Variants in UST observed in about 807,000 individuals in gnomAD.
UST encodes the protein uronyl 2-sulfotransferase.
In UST, 21 loss-of-function variants were observed where a neutral mutation model predicts 45.6. The observed-to-expected ratio is 0.46, with a 90% CI of 0.33 to 0.66. The LOEUF (loss-of-function observed/expected upper bound fraction) is 0.66. UST is among the 30% of genes least tolerant of loss of function. The probability of loss-of-function intolerance (pLI) is 0.02; values close to 1 mark genes in which losing one functional copy is unlikely to be tolerated. For missense variants in UST, 463 were observed against 512.4 expected (o/e 0.90, Z 0.93); for synonymous variants, 215 against 200.6 (o/e 1.07, Z -0.61).
At chr6:148,959,117 G>T (rs1208967267) in intron 4 of UST, 4 of 152,164 alleles carry the variant, frequency 2.6e-5, no homozygotes, top group Non-Finnish European at 4.4e-5. Flanking sequence ...GCAAGGGGGT[G>T]CATTTTGGAC....
At chr6:148,989,607 A>G (rs1424821445) in intron 5 of UST, among the ~76,000 whole-genome samples, 2 of 152,228 alleles carry the variant, frequency 1.3e-5, no homozygotes, top group African/African-American at 2.4e-5. Context: ...AGGAGATCAT[A>G]TAGGTCCCCA....
At chr6:148,917,642 C>T (rs1001141490) in intron 2 of UST, among the ~76,000 whole-genome samples, 3 of 152,216 alleles carry the variant, frequency 2.0e-5, no homozygotes, top group Admixed American at 6.5e-5. Flanking sequence ...TACTCAAAAT[C>T]TGAGGCCTGC....
intron 5 of UST, among the ~76,000 whole-genome samples, chr6:148,981,088 G>A (rs1470493404): frequency 6.6e-6 from 1 of 152,118 alleles, no homozygotes; most frequent in African/African-American, 2.4e-5. Flanking sequence ...CTCATCTGCA[G>A]TCTCTCATGA....
chr6:148,780,542 G>C (rs1337260948), intron 1 of UST, among the ~76,000 whole-genome samples: 3 of 152,136 alleles, frequency 2.0e-5, no homozygotes, highest in Admixed American at 2.0e-4. Context: ...TGTGGTATTT[G>C]GTTTTCTGTT....
intron 2 of UST, among the ~76,000 whole-genome samples, chr6:148,933,896 A>C (rs1240738933): frequency 1.3e-5 from 2 of 152,200 alleles, no homozygotes; most frequent in East Asian, 3.8e-4. Context: ...GTCCAAAATA[A>C]AACTGGGAAC....
intron 1 of UST, among the ~76,000 whole-genome samples, chr6:148,774,765 T>C (rs1776498261): frequency 6.6e-6 from 1 of 152,218 alleles, no homozygotes; most frequent in Admixed American, 6.5e-5. Context: ...ACGCCTGTAA[T>C]CCTAGCACTT....
chr6:148,799,510 A>G lies in UST; in HGVS notation c.247+51833A>G, dbSNP rs945313194. Among the ~76,000 whole-genome samples the G allele has an allele frequency of 4.6e-5, 7 of 151,548 alleles. 1 individual carries two copies. On this transcript the variant is annotated intron_variant, in intron 1 of 7. Coordinates refer to ENST00000367463, the MANE Select transcript of UST (RefSeq NM_005715.3). ...CCCGGCAACTGAGTGGTAAAACTCT[A>G]CTCTCAGGGGTCCCTTCTTGTTCAG...
intron 1 of UST, among the ~76,000 whole-genome samples, chr6:148,824,507 A>T (rs1430643456): frequency 6.6e-6 from 1 of 152,058 alleles, no homozygotes; most frequent in African/African-American, 2.4e-5. Flanking sequence ...CACCTCTGGG[A>T]GGGGTGGATA....
chr6:148,953,703 C>T (rs974713415), intron 3 of UST, among the ~76,000 whole-genome samples, 169 bp from the exon 4 acceptor site: 16 of 143,518 alleles, frequency 1.1e-4, no homozygotes, highest in African/African-American at 3.9e-4. Flanking sequence ...ACCCGGGAGG[C>T]GGAGCTTGCA....
At chr6:148,853,041 C>T (rs1175775168) in intron 1 of UST, among the ~76,000 whole-genome samples, 1 of 152,188 alleles carries the variant, frequency 6.6e-6, no homozygotes, top group Admixed American at 6.5e-5. Flanking sequence ...TGGTGGTTTG[C>T]TGCACCTATC....
intron 5 of UST, among the ~76,000 whole-genome samples, chr6:149,009,012 G>A (rs1487577053): frequency 2.0e-5 from 3 of 152,038 alleles, no homozygotes; most frequent in African/African-American, 4.8e-5. Flanking sequence ...TAAAAGACAG[G>A]GGCTAAAATA....
chr6:148,779,596 C>T (rs570327865), intron 1 of UST, among the ~76,000 whole-genome samples: 3 of 152,206 alleles, frequency 2.0e-5, no homozygotes, highest in South Asian at 2.1e-4. Flanking sequence ...CACGGGATGT[C>T]GTAAGGACAA....
chr6:148,981,249 G>A (rs1388069694), intron 5 of UST, among the ~76,000 whole-genome samples: 1 of 152,214 alleles, frequency 6.6e-6, no homozygotes, highest in Non-Finnish European at 1.5e-5. Context: ...ATGAAAAGGT[G>A]TGACTGTGAT....
At chr6:148,809,199 G>T (rs1777206118) in intron 1 of UST, among the ~76,000 whole-genome samples, 1 of 152,220 alleles carries the variant, frequency 6.6e-6, no homozygotes, top group African/African-American at 2.4e-5. Context: ...GTTTCTCAGG[G>T]GAGTTCAGAG....
At chr6:148,973,517 G>A (rs1780961344) in intron 5 of UST, among the ~76,000 whole-genome samples, 1 of 152,228 alleles carries the variant, frequency 6.6e-6, no homozygotes, top group South Asian at 2.1e-4. Context: ...ATGCAGTCAG[G>A]AAATGTTCTC....
chr6:149,015,673 A>C (rs1430042037), intron 5 of UST, among the ~76,000 whole-genome samples: 1 of 152,260 alleles, frequency 6.6e-6, no homozygotes, highest in Admixed American at 6.5e-5. Context: ...ACATGGAAGG[A>C]AAAAATGAAG....
rs556221892 is a variant in UST, at chr6:148,831,070, G to C, written c.248-55916G>C. 3.9e-4 allele frequency among the ~76,000 whole-genome samples: 58 copies of C among 150,036 alleles called. No individual in the cohort carries two copies. The South Asian group carries it at 5.5e-3, about 14-fold the overall frequency. ...AGATGAAAGAAAAAGAAAGAAAAGG[G>C]GGGGGTGGGAAGAATCAATCTTGAA... is the stretch of plus-strand genomic sequence containing the variant. On this transcript the variant is annotated intron_variant, in intron 1 of 7. Coordinates refer to ENST00000367463, the MANE Select transcript of UST (RefSeq NM_005715.3).
At chr6:148,956,661 C>T (rs1012500299) in intron 4 of UST, among the ~76,000 whole-genome samples, 7 of 152,180 alleles carry the variant, frequency 4.6e-5, no homozygotes, top group Non-Finnish European at 1.5e-5. Flanking sequence ...CTGCCCAGCT[C>T]CTGACTCGGT....
chr6:148,831,935 A>G (rs960217977), intron 1 of UST, among the ~76,000 whole-genome samples: 3 of 152,242 alleles, frequency 2.0e-5, no homozygotes, highest in African/African-American at 4.8e-5. Flanking sequence ...CAATTACCCA[A>G]CCTGATGATA....
Sources: allele counts gnomAD v4.1 joint callset (sites outside exome capture counted in the v4.1 genomes callset), GRCh38; gene constraint gnomAD v4.1.1; transcripts MANE v1.5; gene names NCBI Gene and HGNC (gene_info 2026-07-23, HGNC 2026-07-21).